RBM19: variants seen among roughly 807,000 people sequenced by gnomAD.
RBM19 encodes the protein RNA binding motif protein 19.
RBM19 carries 94 observed loss-of-function variants against 116.8 expected under a neutral mutation model. That is an observed-to-expected ratio of 0.80 (90% CI 0.68 to 0.95). The LOEUF is 0.95. Among genes scored for constraint, RBM19 ranks in the 40% least tolerant of loss-of-function variants. RBM19 has a pLI of 0.00. For synonymous variants in RBM19, 475 were observed against 494.1 expected, an observed-to-expected ratio of 0.96 and a Z score of 0.51; for missense variants, 1,161 against 1,220.7, an observed-to-expected ratio of 0.95 and a Z score of 0.73.
Position 113,920,626 on chromosome 12 carries a change from A to T in RBM19, c.2370T>A (p.Ala790=). Reference sequence around the variant, plus strand: ...TTCACTTTACCTGGAGCTGCTTGAGAGCTTTCTGGGCTTGCTCCGGCTTCC... The same window carrying T: ...TTCACTTTACCTGGAGCTGCTTGAGTGCTTTCTGGGCTTGCTCCGGCTTCC... ...EYRKPEQAQK[A]LKQLQGHVVD... Residue 790 remains alanine (A), a synonymous_variant, in exon 19 of 24, where the codon GCT becomes GCA. Coordinates refer to ENST00000261741, the MANE Select transcript of RBM19 (RefSeq NM_016196.4). 1 of 1,614,022 alleles carries T rather than the reference A, an allele frequency of 6.2e-7. No homozygotes were observed. The highest frequency in any genetic ancestry group is 1.1e-5 in the South Asian group (1 of 91,076).
At chr12:113,832,195 CTT>C (rs11410268) in intron 23 of RBM19, among the ~76,000 whole-genome samples, 19 of 145,180 alleles carry the variant, frequency 1.3e-4, no homozygotes, top group Admixed American at 1.4e-4. Context: ...TTTCTTTTTT[CTT>C]TTTTTTTTTT....
intron 15 of RBM19, among the ~76,000 whole-genome samples, chr12:113,939,047 C>G (rs956714219): frequency 6.6e-6 from 1 of 152,222 alleles, no homozygotes; most frequent in Non-Finnish European, 1.5e-5. Flanking sequence ...GCCCCACCTA[C>G]AGAACTGACT....
chr12:113,856,702 G>C (rs1409678420), intron 22 of RBM19, among the ~76,000 whole-genome samples: 1 of 152,094 alleles, frequency 6.6e-6, no homozygotes. Flanking sequence ...CCCAGTGGGT[G>C]GCCAAATAAG....
At chr12:113,834,542 G>A (rs924114447) in intron 23 of RBM19, among the ~76,000 whole-genome samples, 1 of 152,184 alleles carries the variant, frequency 6.6e-6, no homozygotes, top group Non-Finnish European at 1.5e-5. Context: ...TGTCACAACC[G>A]CTCAGCTTTG....
intron 2 of RBM19, 127 bp from the exon 3 acceptor site, chr12:113,960,305 AT>A: frequency 8.2e-7 from 1 of 1,226,302 alleles, no homozygotes; most frequent in Non-Finnish European, 1.2e-6. Context: ...GCTGAAGTAG[AT>A]TACACGTCAC....
At chr12:113,918,491 T>C (rs750617944) in intron 19 of RBM19, 44 bp from the exon 20 acceptor site, 1 of 1,600,588 alleles carries the variant, frequency 6.2e-7, no homozygotes, top group East Asian at 2.2e-5. Context: ...TCCCGAGAAA[T>C]ACTCACCCGA....
chr12:113,941,550 T>C (rs1310740661), intron 14 of RBM19, among the ~76,000 whole-genome samples: 1 of 110,334 alleles, frequency 9.1e-6, no homozygotes, highest in African/African-American at 4.9e-5. Context: ...TCCATCTATC[T>C]ACCCATCCAT....
intron 5 of RBM19, among the ~76,000 whole-genome samples, chr12:113,958,485 C>T (rs1405575700): frequency 6.6e-6 from 1 of 152,118 alleles, no homozygotes; most frequent in Non-Finnish European, 1.5e-5. Flanking sequence ...CACATTGAGC[C>T]CCTCAAGCCC....
At chr12:113,867,896 T>C (rs1756540529) in intron 21 of RBM19, among the ~76,000 whole-genome samples, 1 of 152,176 alleles carries the variant, frequency 6.6e-6, no homozygotes, top group Admixed American at 6.5e-5. Flanking sequence ...ACCACTGCAC[T>C]CTAGCCTGGT....
intron 1 of RBM19, among the ~76,000 whole-genome samples, chr12:113,964,576 T>A (rs908659438): frequency 6.6e-6 from 1 of 152,168 alleles, no homozygotes; most frequent in South Asian, 2.1e-4. Context: ...TCTAACCTGA[T>A]GGATGGATGA....
chr12:113,818,382 A>G (rs1213846456), downstream of RBM19, among the ~76,000 whole-genome samples: 5 of 152,158 alleles, frequency 3.3e-5, no homozygotes, highest in Admixed American at 2.0e-4. Flanking sequence ...TGGTTTGCCT[A>G]CTGGGGCCAG....
chr12:113,956,723 G>C (rs1411511855), intron 6 of RBM19, among the ~76,000 whole-genome samples: 1 of 152,090 alleles, frequency 6.6e-6, no homozygotes, highest in East Asian at 1.9e-4. Context: ...AGACGAGTTG[G>C]CCGACCTCTG....
chr12:113,879,100 C>T (rs1032514558), intron 21 of RBM19, among the ~76,000 whole-genome samples: 4 of 152,138 alleles, frequency 2.6e-5, no homozygotes, highest in Admixed American at 6.5e-5. Context: ...GCGTTCTGCC[C>T]CTCCTGGCCA....
In RBM19 at chr12:113,898,862, T is replaced by C. The variant is rs932857372; in HGVS notation, c.2558+16107A>G. The stretch of plus-strand genomic sequence containing the variant: ...GACATCATCCATCACGCTAAAATAA[T>C]GTTGTTAATTTGAATTTTATTGAGT... On this transcript the variant is annotated intron_variant, in intron 21 of 23. Transcript: ENST00000261741. The surrounding 1 kb of genome is among the most constrained non-coding windows in gnomAD (Gnocchi z 4.3). Among the ~76,000 whole-genome samples the C allele has an allele frequency of 3.9e-5, 6 of 152,258 alleles. No homozygotes were observed. The highest frequency in any genetic ancestry group is 1.9e-4 in the East Asian group (1 of 5,208).
chr12:113,952,790 T>C (rs539973937), intron 7 of RBM19, among the ~76,000 whole-genome samples, 200 bp from the exon 8 acceptor site: 1 of 152,320 alleles, frequency 6.6e-6, no homozygotes, highest in Non-Finnish European at 1.5e-5. Flanking sequence ...ATGAGTAATA[T>C]AAATATAAAA....
At chr12:113,890,374 G>C (rs1317804038) in intron 21 of RBM19, among the ~76,000 whole-genome samples, 3 of 152,088 alleles carry the variant, frequency 2.0e-5, no homozygotes, top group Non-Finnish European at 2.9e-5. Context: ...GCAGGGGTGG[G>C]CTGGAATATT....
chr12:113,943,386 C>A (rs892463590), intron 13 of RBM19, among the ~76,000 whole-genome samples: 1 of 152,168 alleles, frequency 6.6e-6, no homozygotes, highest in Non-Finnish European at 1.5e-5. Context: ...TGCCACAAGC[C>A]CCTCAGAGCC....
At position 113,886,088 on chromosome 12, in the gene RBM19, G is replaced by T. The variant is rs56811378; in HGVS notation, c.2559-27192C>A. On this transcript the variant is annotated intron_variant, in intron 21 of 23. Coordinates refer to ENST00000261741, the MANE Select transcript of RBM19 (RefSeq NM_016196.4). ...GGGTTTCACCATGTTAGCCAGGATG[G>T]TCTCTATCTCTTGACCTTGTGGTCC... Among the ~76,000 whole-genome samples the T allele has an allele frequency of 6.0e-3, 912 of 151,766 alleles. 9 individuals carry two copies. The highest frequency in any genetic ancestry group is 0.021 in the African/African-American group (867 of 41,368).
chr12:113,873,689 T>TTAA (rs1402076580), intron 21 of RBM19, among the ~76,000 whole-genome samples: 124 of 127,684 alleles, frequency 9.7e-4, no homozygotes, highest in African/African-American at 3.5e-3. Flanking sequence ...AAAAATAAAT[T>TTAA]AAAAAAAAAA....
Sources: allele counts gnomAD v4.1 joint callset (sites outside exome capture counted in the v4.1 genomes callset), GRCh38; gene constraint gnomAD v4.1.1; non-coding constraint Gnocchi (gnomAD v3.1); transcripts MANE v1.5; gene names NCBI Gene and HGNC (gene_info 2026-07-23, HGNC 2026-07-21).